The following G2E3 variants were observed in gnomAD, a reference collection of about 807,000 sequenced individuals.
G2E3 encodes the protein G2/M phase-specific E3 ubiquitin-protein ligase.
G2E3 carries 35 observed loss-of-function variants against 92.8 expected under a neutral mutation model. That is an observed-to-expected ratio of 0.38 (90% CI 0.29 to 0.50). The LOEUF is 0.50. Ranked by LOEUF, G2E3 falls within the 20% of genes least tolerant of loss-of-function variation. The pLI, the probability that G2E3 is intolerant of heterozygous loss-of-function variation, is 0.94. For synonymous variants in G2E3, 242 were observed against 272.4 expected (o/e 0.89, Z 1.10); for missense variants, 554 against 823.8 (o/e 0.67, Z 4.01).
Position 30,593,327 on chromosome 14 carries a change from T to TA in G2E3, c.363-145dup, listed in dbSNP as rs1881112540. On this transcript the variant is annotated intron_variant, in intron 5 of 14. Transcript: ENST00000206595. Reference sequence around the variant, plus strand: ...CTCCTTGGTCATAGATTGTGAGACTTAATTTTTAGTGCCAAGGCTCCAGTC... The same window carrying TA: ...CTCCTTGGTCATAGATTGTGAGACTTAAATTTTTAGTGCCAAGGCTCCAGTC... 40 of 546,256 alleles carry TA rather than the reference T, an allele frequency of 7.3e-5. 2 individuals carry two copies. The South Asian group carries it at 1.1e-3, about 15-fold the overall frequency. 33.8% of individuals were successfully genotyped at this position (546,256 alleles called of 1,614,324 possible).
chr14:30,592,376 A>T lies in G2E3; in HGVS notation c.291A>T (p.Arg97=). 6 of 1,609,862 alleles carry T rather than the reference A, an allele frequency of 3.7e-6. No homozygotes were observed. The highest frequency in any genetic ancestry group is 5.1e-6 in the Non-Finnish European group (6 of 1,177,784). Residue 97 remains arginine, a synonymous_variant, in exon 5 of 15, where the codon CGA becomes CGT. Coordinates refer to ENST00000206595, the MANE Select transcript of G2E3 (RefSeq NM_017769.5). Reference sequence around the variant, plus strand: ...CTTCAATTGGATGTGTTGCACCCCGATGTAAACGAAGTTATCATTTCCCAT... The same window carrying T: ...CTTCAATTGGATGTGTTGCACCCCGTTGTAAACGAAGTTATCATTTCCCAT... ...NGASIGCVAP[R]CKRSYHFPCG...
At chr14:30,607,836 T>G in intron 11 of G2E3, 52 bp from the exon 12 acceptor site, 1 of 928,166 alleles carries the variant, frequency 1.1e-6, no homozygotes, top group Admixed American at 2.8e-5. Flanking sequence ...AAAATGATGG[T>G]TATCTTATAA....
chr14:30,613,147 C>T (rs940473401), intron 13 of G2E3, among the ~76,000 whole-genome samples: 2 of 152,198 alleles, frequency 1.3e-5, no homozygotes, highest in East Asian at 3.9e-4. Context: ...TACACTCTTA[C>T]AATTTTTTTA....
Position 30,619,094 on chromosome 14 carries a change from A to G in G2E3, c.*2560A>G, listed in dbSNP as rs1039062656. Reference sequence around the variant, plus strand: ...TGGAAACTTTAACACCTTTTATACAATTCTCTACTATTCAAGATATTCTTT... The same window carrying G: ...TGGAAACTTTAACACCTTTTATACAGTTCTCTACTATTCAAGATATTCTTT... On this transcript the variant is annotated 3_prime_UTR_variant, in exon 15 of 15. Transcript: ENST00000206595. 27 of 152,206 alleles carry G rather than the reference A, an allele frequency of 1.8e-4. No homozygotes were observed. Among genetic ancestry groups the G allele is most frequent in the Admixed American group, 5.2e-4 (8 of 15,284 alleles). 9.4% of individuals were successfully genotyped at this position (152,206 alleles called of 1,614,324 possible). A position where few individuals can be genotyped will look rare whatever the true frequency, so the allele number is the denominator to read the frequency against.
rs1442228695 is a variant in G2E3 at position 30,618,160 on chromosome 14, C to T, written c.*1626C>T. On this transcript the variant is annotated 3_prime_UTR_variant, in exon 15 of 15. Coordinates refer to ENST00000206595, the MANE Select transcript of G2E3 (RefSeq NM_017769.5). ...TCCCTCATGTCTTTTTCAATCTGTA[C>T]ACTAACATACCTAGCAAATTTGTTT... 4 of 151,966 alleles carry T rather than the reference C, an allele frequency of 2.6e-5. 1 individual carries two copies. Among genetic ancestry groups the T allele is most frequent in the Admixed American group, 1.3e-4 (2 of 15,256 alleles). 9.4% of individuals were successfully genotyped at this position (151,966 alleles called of 1,614,324 possible). A position where few individuals can be genotyped will look rare whatever the true frequency, so the allele number is the denominator to read the frequency against.
intron 1 of G2E3, among the ~76,000 whole-genome samples, chr14:30,562,866 C>T (rs111788856): frequency 3.3e-5 from 5 of 152,312 alleles, no homozygotes; most frequent in African/African-American, 7.2e-5. Context: ...CTCTCTGCCT[C>T]GGCTGCCAGG....
chr14:30,586,904 GTCAT>G, intron 3 of G2E3, 89 bp downstream of exon 3: 1 of 446,648 alleles, frequency 2.2e-6, no homozygotes, highest in Non-Finnish European at 4.0e-6. Context: ...AATTGGATAA[GTCAT>G]TTAACTTCTC....
At chr14:30,609,025 C>A (rs1881965445) in intron 12 of G2E3, among the ~76,000 whole-genome samples, 1 of 152,152 alleles carries the variant, frequency 6.6e-6, no homozygotes, top group Non-Finnish European at 1.5e-5. Flanking sequence ...ACTTTGAATG[C>A]CAACTCTTAT....
intron 1 of G2E3, chr14:30,577,696 A>T (rs1367768733): frequency 1.3e-5 from 2 of 152,224 alleles, no homozygotes; most frequent in Admixed American, 6.5e-5. Context: ...AGGAAGTCAC[A>T]ATGCCTTTTA....
At chr14:30,610,319 A>C (rs750621037) in intron 12 of G2E3, among the ~76,000 whole-genome samples, 7 of 152,186 alleles carry the variant, frequency 4.6e-5, no homozygotes, top group African/African-American at 7.2e-5. Context: ...TATAATGCTA[A>C]ATAAAACAGA....
chr14:30,593,585 C>T lies in G2E3; in HGVS notation c.474C>T (p.Asn158=). 2 of 1,605,216 alleles carry T rather than the reference C, an allele frequency of 1.2e-6. No homozygotes were observed. The highest frequency in any genetic ancestry group is 1.7e-6 in the Non-Finnish European group (2 of 1,172,372). ...LEFIEPIPSY[N]ILRSPCCKNA... ...TTATTGAGCCTATTCCAAGTTATAA[C>T]ATATTACGAAGTCCTTGTTGTAAGA... The change falls in exon 6 of 15, where the codon AAC becomes AAT. Residue 158 remains asparagine (N), a synonymous_variant. Transcript: ENST00000206595.
chr14:30,592,589 C>T, intron 5 of G2E3, 142 bp downstream of exon 5: 2 of 586,678 alleles, frequency 3.4e-6, no homozygotes, highest in East Asian at 3.3e-5. Context: ...TACCCTCCCG[C>T]CCACCCTTAT....
chr14:30,589,261 C>G, intron 3 of G2E3, 122 bp from the exon 4 acceptor site: 1 of 603,578 alleles, frequency 1.7e-6, no homozygotes, highest in Non-Finnish European at 3.0e-6. Context: ...CTATAGATAA[C>G]TACTTGAAAT....
At chr14:30,565,320 G>A (rs1361562313) in intron 1 of G2E3, among the ~76,000 whole-genome samples, 2 of 152,012 alleles carry the variant, frequency 1.3e-5, no homozygotes, top group African/African-American at 4.8e-5. Flanking sequence ...TGGATTACTT[G>A]TCTTTTTGTT....
intron 6 of G2E3, among the ~76,000 whole-genome samples, chr14:30,595,897 A>G (rs1306234403): frequency 1.3e-5 from 2 of 152,168 alleles, no homozygotes; most frequent in Non-Finnish European, 2.9e-5. Context: ...TGTCTACAGA[A>G]TTGTCACTAT....
intron 1 of G2E3, among the ~76,000 whole-genome samples, chr14:30,564,235 G>A (rs1879296700): frequency 6.6e-6 from 1 of 152,152 alleles, no homozygotes; most frequent in African/African-American, 2.4e-5. Flanking sequence ...TAAAGTTTCT[G>A]TTGACCTTTG....
chr14:30,560,813 CATTG>C (rs1019946365), intron 1 of G2E3: 2 of 701,854 alleles, frequency 2.8e-6, no homozygotes, highest in African/African-American at 3.5e-5. Context: ...TGGAGGATGG[CATTG>C]AACAGTCTGC....
intron 1 of G2E3, among the ~76,000 whole-genome samples, chr14:30,571,757 TA>T (rs1163290876): frequency 1.3e-5 from 2 of 152,120 alleles, no homozygotes; most frequent in African/African-American, 4.8e-5. Flanking sequence ...CCTTGTGTTC[TA>T]TTGAGCTATA....
At chr14:30,602,399 T>C (rs1455680322) in intron 10 of G2E3, among the ~76,000 whole-genome samples, 1 of 97,194 alleles carries the variant, frequency 1.0e-5, no homozygotes, top group Admixed American at 1.0e-4. Context: ...GGGAAAAGTG[T>C]ATCTATCCTA....
Sources: gnomAD v4.1 joint callset for allele counts (sites outside exome capture counted in the v4.1 genomes callset) on GRCh38, gnomAD v4.1.1 for gene constraint, MANE v1.5 for transcripts, NCBI Gene and HGNC (gene_info 2026-07-23, HGNC 2026-07-21) for gene names.